IWS1: variants seen among roughly 807,000 people sequenced by gnomAD.
The protein encoded by IWS1 is protein IWS1 homolog.
In IWS1, 27 loss-of-function variants were observed where a neutral mutation model predicts 86.7. That is an observed-to-expected ratio of 0.31 (90% CI 0.23 to 0.43). The LOEUF (loss-of-function observed/expected upper bound fraction) is 0.43, where lower values mean the gene tolerates loss of function less well. Ranked by LOEUF, IWS1 falls within the 20% of genes least tolerant of loss-of-function variation. The pLI, the probability that IWS1 is intolerant of heterozygous loss-of-function variation, is 1.00. For synonymous variants in IWS1, 313 were observed against 335.1 expected, an observed-to-expected ratio of 0.93 and a Z score of 0.72; for missense variants, 827 against 1,000.8, an observed-to-expected ratio of 0.83 and a Z score of 2.34.
intron 2 of IWS1, among the ~76,000 whole-genome samples, chr2:127,514,104 T>C (rs1165768940): frequency 6.6e-6 from 1 of 152,228 alleles, no homozygotes; most frequent in Non-Finnish European, 1.5e-5. Flanking sequence ...AAATGTTGCC[T>C]TTCCCAAGGC....
In IWS1 at chr2:127,504,673, T is replaced by C. The variant is rs775392906; in HGVS notation, c.1219+11A>G. Reference sequence around the variant, plus strand: ...AAAGCCATTGATAAACAGCCCAAGGTAACTCCTTACATGCTTTCTCTTCAT... The same window carrying C: ...AAAGCCATTGATAAACAGCCCAAGGCAACTCCTTACATGCTTTCTCTTCAT... On this transcript the variant is annotated intron_variant, in intron 3 of 13. Transcript: ENST00000295321. 13 of 1,571,898 alleles carry C rather than the reference T, an allele frequency of 8.3e-6. No homozygotes were observed. In the East Asian group the frequency reaches 2.9e-4, roughly 35 times the overall value.
chr2:127,505,139 G>A lies in IWS1; in HGVS notation c.764C>T (p.Pro255Leu), dbSNP rs1378138846. The stretch of plus-strand genomic sequence containing the variant: ...TGAGTCACTGGCCTGGTGCCTCGGA[G>A]GGTCCTCACTTTCTGAGTCACTGAT... ...PRISDSESED[P>L]PRHQASDSEN... Residue 255 changes from proline to leucine, a missense_variant, in exon 3 of 14, where the codon CCT becomes CTT. Physicochemically the swap from Pro to Leu is moderately conservative, Grantham distance 98. Around this residue, in one of 2 missense-constraint regions of IWS1, gnomAD observed 548 missense variants for 560.2 expected, o/e 0.98. Transcript: ENST00000295321. The surrounding 1 kb of genome is among the most constrained non-coding windows in gnomAD (Gnocchi z 5.0). 10 of 1,611,346 alleles carry A rather than the reference G, an allele frequency of 6.2e-6. No homozygotes were observed. The highest frequency in any genetic ancestry group is 2.2e-5 in the East Asian group (1 of 44,862).
Position 127,503,506 on chromosome 2 carries a change from G to A in IWS1, c.1290C>T (p.Gly430=). Residue 430 remains glycine, a synonymous_variant, in exon 4 of 14, where the codon GGC becomes GGT. Transcript: ENST00000295321. ...SDSDAVSDKS[G]KREKTIASDS... is the part of the protein sequence containing the mutation. ...CAGATGCTATGGTCTTCTCTCTTTTGCCTGACTTGTCTGATACAGCATCAC... is the reference window on the plus strand; with the variant it reads ...CAGATGCTATGGTCTTCTCTCTTTTACCTGACTTGTCTGATACAGCATCAC... The A allele has an allele frequency of 1.2e-6, 2 of 1,613,212 alleles. No individual in the cohort carries two copies. Among genetic ancestry groups the A allele is most frequent in the South Asian group, 1.1e-5 (1 of 91,014 alleles).
chr2:127,503,494 C>G lies in IWS1; in HGVS notation c.1302G>C (p.Lys434Asn), dbSNP rs779693736. The G allele has an allele frequency of 9.3e-6, 15 of 1,613,658 alleles. No homozygotes were observed. Among genetic ancestry groups the G allele is most frequent in the Non-Finnish European group, 1.2e-5 (14 of 1,179,780 alleles). Reference protein sequence around the residue: ...AVSDKSGKREKTIASDSEEEA... With the variant: ...AVSDKSGKRENTIASDSEEEA... ...CTTCCTCACTGTCAGATGCTATGGT[C>G]TTCTCTCTTTTGCCTGACTTGTCTG... The change falls in exon 4 of 14, where the codon AAG (lysine) becomes AAC (asparagine). Residue 434 changes from lysine to asparagine, a missense_variant. Transcript: ENST00000295321.
At chr2:127,510,677 G>A (rs56266506) in intron 2 of IWS1, among the ~76,000 whole-genome samples, 1 of 149,778 alleles carries the variant, frequency 6.7e-6, no homozygotes, top group Admixed American at 6.6e-5. Context: ...TTTTTTTGTA[G>A]AGACAGTCTG....
chr2:127,506,639 G>C (rs1691165866), intron 2 of IWS1: 1 of 166,702 alleles, frequency 6.0e-6, no homozygotes, highest in African/African-American at 2.4e-5. Context: ...TCTCCTGTTA[G>C]TTCATTTACT....
chr2:127,490,467 G>T (rs757154386), intron 10 of IWS1, among the ~76,000 whole-genome samples: 56 of 152,124 alleles, frequency 3.7e-4, no homozygotes, highest in Admixed American at 5.9e-4. Flanking sequence ...GACCATGAAA[G>T]AAAGTATATG....
intron 2 of IWS1, among the ~76,000 whole-genome samples, chr2:127,510,524 A>C (rs566971455): frequency 1.3e-5 from 2 of 152,124 alleles, no homozygotes; most frequent in East Asian, 3.9e-4. Flanking sequence ...ACAAGGTATC[A>C]CTCTGTCACC....
intron 2 of IWS1, among the ~76,000 whole-genome samples, chr2:127,510,926 A>G (rs1011784518): frequency 3.3e-5 from 5 of 152,144 alleles, no homozygotes; most frequent in Admixed American, 6.5e-5. Context: ...TCTCACCTCC[A>G]GATATTAATT....
chr2:127,505,042 A>G lies in IWS1; in HGVS notation c.861T>C (p.Ser287=), dbSNP rs1480041308. ...ESEDPPRNQA[S]DSENEELPKP... is the part of the protein sequence containing the mutation. The stretch of plus-strand genomic sequence containing the variant: ...TGGGTAGCTCCTCATTTTCCGAATC[A>G]CTGGCCTGGTTCCTTGGGGGATCCT... Residue 287 remains serine, a synonymous_variant, in exon 3 of 14, where the codon AGT becomes AGC. Coordinates refer to ENST00000295321, the MANE Select transcript of IWS1 (RefSeq NM_017969.3). This position sits in a 1 kb window ranked among gnomAD's most constrained non-coding sequence, Gnocchi z 5.0. The G allele has an allele frequency of 5.6e-6, 9 of 1,612,346 alleles. No individual in the cohort carries two copies. Among genetic ancestry groups the G allele is most frequent in the Non-Finnish European group, 7.6e-6 (9 of 1,179,544 alleles).
At position 127,489,274 on chromosome 2, in the gene IWS1, GAACCTAAT is replaced by G; in HGVS notation, c.2160-47_2160-40del. 6.8e-7 allele frequency: 1 copy of G among 1,476,906 alleles called. No homozygotes were observed. The highest frequency in any genetic ancestry group is 9.4e-7 in the Non-Finnish European group (1 of 1,061,750). 91.5% of individuals were successfully genotyped at this position (1,476,906 alleles called of 1,614,324 possible). A position where few individuals can be genotyped will look rare whatever the true frequency, so the allele number is the denominator to read the frequency against. On this transcript the variant is annotated intron_variant, in intron 11 of 13. Transcript: ENST00000295321. This position sits in a 1 kb window ranked among gnomAD's most constrained non-coding sequence, Gnocchi z 4.8. ...AAACAAGGAGATACCAGGAATATTA[GAACCTAAT>G]AACTCAGAAAAAGAGCAAACTAAAA...
chr2:127,520,899 C>T (rs777550), intron 2 of IWS1, among the ~76,000 whole-genome samples: 31,217 of 152,142 alleles, frequency 0.21, 6,745 homozygotes, highest in African/African-American at 0.54. Context: ...TTAAACATTA[C>T]GCTTATTGAG....
chr2:127,519,620 C>A (rs1208635083), intron 2 of IWS1, among the ~76,000 whole-genome samples: 2 of 151,922 alleles, frequency 1.3e-5, no homozygotes, highest in African/African-American at 4.8e-5. Flanking sequence ...GCTGTGAGTA[C>A]CATCTTATGG....
chr2:127,489,241 A>G lies in IWS1; in HGVS notation c.2160-6T>C. The G allele has an allele frequency of 6.2e-7, 1 of 1,609,988 alleles. No individual in the cohort carries two copies. The highest frequency in any genetic ancestry group is 1.1e-5 in the South Asian group (1 of 90,498). On this transcript the variant is annotated splice_region_variant and splice_polypyrimidine_tract_variant and intron_variant, in intron 11 of 13. Transcript: ENST00000295321. The surrounding 1 kb of genome is among the most constrained non-coding windows in gnomAD (Gnocchi z 4.8). The stretch of plus-strand genomic sequence containing the variant: ...TGGGTGTCTGACCACCAGTGCTGAA[A>G]AAAAAGTAAACAAGGAGATACCAGG...
At chr2:127,507,232 C>T (rs1194011762) in intron 2 of IWS1, among the ~76,000 whole-genome samples, 2 of 151,946 alleles carry the variant, frequency 1.3e-5, no homozygotes, top group Non-Finnish European at 2.9e-5. Context: ...TTTTACTAAC[C>T]CAAGTATGCT....
In IWS1 at chr2:127,505,859, G is replaced by A. The variant is rs995874142; in HGVS notation, c.151-107C>T. Reference sequence around the variant, plus strand: ...ATTTTTTTAAAATACAGGATTATGTGCACCTAAATGGAGAATTCTTGTCCT... The same window carrying A: ...ATTTTTTTAAAATACAGGATTATGTACACCTAAATGGAGAATTCTTGTCCT... On this transcript the variant is annotated intron_variant, in intron 2 of 13. Transcript: ENST00000295321. The surrounding 1 kb of genome is among the most constrained non-coding windows in gnomAD (Gnocchi z 5.0). The A allele has an allele frequency of 5.1e-5, 36 of 712,474 alleles. No individual in the cohort carries two copies. Among genetic ancestry groups the A allele is most frequent in the Non-Finnish European group, 7.8e-5 (35 of 451,386 alleles). The allele number at this position is 712,474 out of a possible 1,614,324, so 44.1% of individuals were successfully genotyped here.
chr2:127,485,014 GA>G, intron 13 of IWS1, among the ~76,000 whole-genome samples: 1 of 151,480 alleles, frequency 6.6e-6, no homozygotes, highest in African/African-American at 2.4e-5. Flanking sequence ...AAAAGAAAAA[GA>G]AAAAGAAAAA....
At chr2:127,501,973 C>T (rs558458309) in intron 5 of IWS1, among the ~76,000 whole-genome samples, 113 of 152,240 alleles carry the variant, frequency 7.4e-4, no homozygotes, top group African/African-American at 2.3e-3. Context: ...TTTCTTATCT[C>T]CCTGAACATA....
At position 127,489,537 on chromosome 2, in the gene IWS1, C is replaced by T. The variant is rs1318438877; in HGVS notation, c.2159+295G>A. Reference sequence around the variant, plus strand: ...TATAACATTTTTTCTTCTAGGAACTCGGAAACGGGACCCAGAAAGTTGTTT... The same window carrying T: ...TATAACATTTTTTCTTCTAGGAACTTGGAAACGGGACCCAGAAAGTTGTTT... On this transcript the variant is annotated intron_variant, in intron 11 of 13. Transcript: ENST00000295321. This position sits in a 1 kb window ranked among gnomAD's most constrained non-coding sequence, Gnocchi z 4.8. The T allele has an allele frequency of 8.0e-6, 4 of 498,628 alleles. No homozygotes were observed. The highest frequency in any genetic ancestry group is 2.0e-5 in the African/African-American group (1 of 50,984). 30.9% of individuals were successfully genotyped at this position (498,628 alleles called of 1,614,324 possible). A position where few individuals can be genotyped will look rare whatever the true frequency, so the allele number is the denominator to read the frequency against.
Sources: allele counts gnomAD v4.1 joint callset (sites outside exome capture counted in the v4.1 genomes callset), GRCh38; gene constraint gnomAD v4.1.1; regional missense constraint gnomAD v4.1.1; non-coding constraint Gnocchi (gnomAD v3.1); transcripts MANE v1.5; gene names NCBI Gene and HGNC (gene_info 2026-07-23, HGNC 2026-07-21).